Variants in PHLDB2 observed in about 807,000 individuals in gnomAD.
PHLDB2 encodes pleckstrin homology-like domain family B member 2.
Under a neutral mutation model 123.6 loss-of-function variants are expected in PHLDB2, and 71 were observed. That is an observed-to-expected ratio of 0.57 (90% CI 0.47 to 0.70). The LOEUF (loss-of-function observed/expected upper bound fraction) is 0.70. Among genes scored for constraint, PHLDB2 ranks in the 30% least tolerant of loss-of-function variants. PHLDB2 has a pLI of 0.00. For synonymous variants in PHLDB2, 547 were observed against 541.6 expected, an observed-to-expected ratio of 1.01 and a Z score of -0.14; for missense variants, 1,446 against 1,519.5, an observed-to-expected ratio of 0.95 and a Z score of 0.80.
upstream of PHLDB2, among the ~76,000 whole-genome samples, chr3:111,855,675 C>T (rs2064463164): frequency 7.2e-6 from 1 of 138,450 alleles, no homozygotes; most frequent in African/African-American, 2.7e-5. Flanking sequence ...CTCACTCTGC[C>T]ACCCAGGCTG....
chr3:111,919,573 G>A (rs1213988111), intron 4 of PHLDB2, among the ~76,000 whole-genome samples: 1 of 152,142 alleles, frequency 6.6e-6, no homozygotes, highest in Admixed American at 6.5e-5. Context: ...TTTTCTGAAC[G>A]TGCTTTACTA....
intron 1 of PHLDB2, chr3:111,732,821 T>G (rs1576472280): frequency 6.6e-6 from 5 of 758,850 alleles, no homozygotes; most frequent in Non-Finnish European, 1.1e-5. Context: ...TAGACCCGGG[T>G]GTGTGTCTGA....
intron 1 of PHLDB2, among the ~76,000 whole-genome samples, chr3:111,763,005 G>A (rs2060020024): frequency 6.6e-6 from 1 of 152,138 alleles, no homozygotes; most frequent in Admixed American, 6.5e-5. Flanking sequence ...ATAGCTCTGA[G>A]AGCCCACCCT....
intron 5 of PHLDB2, among the ~76,000 whole-genome samples, chr3:111,930,163 G>C (rs576028797): frequency 6.6e-6 from 1 of 151,454 alleles, no homozygotes; most frequent in South Asian, 2.1e-4. Context: ...CGCCTGCCTC[G>C]GCCTCCCAAA....
chr3:111,958,807 G>A (rs571220972), intron 12 of PHLDB2: 1 of 438,066 alleles, frequency 2.3e-6, no homozygotes, highest in African/African-American at 2.0e-5. Flanking sequence ...TAGTCTCAGG[G>A]GTTGGGAAAG....
chr3:111,955,235 G>T (rs867558769), intron 12 of PHLDB2, among the ~76,000 whole-genome samples: 20 of 151,156 alleles, frequency 1.3e-4, no homozygotes, highest in Middle Eastern at 3.4e-3. Flanking sequence ...TTCATAATAG[G>T]TTTATAATGT....
At chr3:111,777,567 T>C (rs1224721138) in intron 1 of PHLDB2, among the ~76,000 whole-genome samples, 3 of 152,140 alleles carry the variant, frequency 2.0e-5, no homozygotes, top group Admixed American at 6.6e-5. Flanking sequence ...AAAGGCACTT[T>C]GGTTCCACAT....
intron 1 of PHLDB2, among the ~76,000 whole-genome samples, chr3:111,835,078 A>G (rs2063338118): frequency 6.6e-6 from 1 of 152,174 alleles, no homozygotes; most frequent in Non-Finnish European, 1.5e-5. Flanking sequence ...CCCAAAATTT[A>G]AGAGAGAATG....
chr3:111,821,287 T>G (rs1027319927), intron 1 of PHLDB2, among the ~76,000 whole-genome samples: 3 of 152,208 alleles, frequency 2.0e-5, no homozygotes, highest in African/African-American at 7.2e-5. Flanking sequence ...CCTAAATCCA[T>G]GCTGTGGAGA....
chr3:111,972,507 A>T (rs1164353278), intron 16 of PHLDB2, among the ~76,000 whole-genome samples: 2 of 132,772 alleles, frequency 1.5e-5, no homozygotes, highest in African/African-American at 2.5e-5. Flanking sequence ...AAGTCTCTTT[A>T]TCATTACAAA....
At chr3:111,739,592 AC>A (rs1553721294) in intron 1 of PHLDB2, among the ~76,000 whole-genome samples, 1,990 of 82,692 alleles carry the variant, frequency 0.024, 97 homozygotes, top group African/African-American at 0.046. Context: ...AAAAAACAAA[AC>A]AAACAAAAAA....
At chr3:111,816,151 C>A (rs1296611415) in intron 1 of PHLDB2, among the ~76,000 whole-genome samples, 4 of 152,320 alleles carry the variant, frequency 2.6e-5, no homozygotes, top group South Asian at 4.2e-4. Flanking sequence ...CAGGGTGGGG[C>A]CCTCATGGAG....
intron 1 of PHLDB2, among the ~76,000 whole-genome samples, chr3:111,824,578 T>C (rs1397534797): frequency 1.3e-5 from 2 of 152,190 alleles, no homozygotes; most frequent in Non-Finnish European, 2.9e-5. Context: ...AAGTCTTTCC[T>C]ACACCAGAAG....
At position 111,921,604 on chromosome 3, in the gene PHLDB2, C is replaced by CTTTT. The variant is rs368628355; in HGVS notation, c.2001+1199_2001+1202dup. ...TATGTACGTTCATTCTGCCCCCAGACTTTTTTTTTTTTTTTTTGAAACGGA... is the reference window on the plus strand; with the variant it reads ...TATGTACGTTCATTCTGCCCCCAGACTTTTTTTTTTTTTTTTTTTTTGAAACGGA... On this transcript the variant is annotated intron_variant, in intron 5 of 17. Coordinates refer to ENST00000431670, the MANE Select transcript of PHLDB2 (RefSeq NM_001134438.2). Among the ~76,000 whole-genome samples, 330 of 132,220 alleles carry CTTTT rather than the reference C, an allele frequency of 2.5e-3. 6 individuals are homozygous for CTTTT. The highest frequency in any genetic ancestry group is 4.5e-3 in the South Asian group (19 of 4,238). 86.7% of individuals were successfully genotyped at this position (132,220 alleles called of 152,430 possible).
At chr3:111,968,110 G>C (rs574162947) in intron 15 of PHLDB2, among the ~76,000 whole-genome samples, 1 of 152,014 alleles carries the variant, frequency 6.6e-6, no homozygotes, top group East Asian at 1.9e-4. Context: ...CCCATTCCTT[G>C]GAGTACATTT....
At chr3:111,831,026 A>AAAGAAAGAAAGG (rs2062994514) in intron 1 of PHLDB2, among the ~76,000 whole-genome samples, 25 of 78,674 alleles carry the variant, frequency 3.2e-4, no homozygotes, top group African/African-American at 9.3e-4. Context: ...AGAAAGAAAG[A>AAAGAAAGAAAGG]AAGAAAGGAA....
chr3:111,930,198 A>AT (rs879273993), intron 5 of PHLDB2, among the ~76,000 whole-genome samples: 17 of 151,168 alleles, frequency 1.1e-4, no homozygotes, highest in Middle Eastern at 3.4e-3. Context: ...GGCATGAAAG[A>AT]TTTTTTTTTA....
intron 1 of PHLDB2, among the ~76,000 whole-genome samples, chr3:111,775,140 C>T (rs1357221798): frequency 6.6e-6 from 1 of 152,142 alleles, no homozygotes; most frequent in African/African-American, 2.4e-5. Context: ...CTACAGATAT[C>T]TCATGTCATC....
chr3:111,958,770 C>T (rs971644777), intron 12 of PHLDB2: 7 of 451,938 alleles, frequency 1.5e-5, no homozygotes, highest in Non-Finnish European at 3.1e-5. Flanking sequence ...GTTATTCTTG[C>T]TACATAATTA....
Sources: allele counts gnomAD v4.1 joint callset (sites outside exome capture counted in the v4.1 genomes callset), GRCh38; gene constraint gnomAD v4.1.1; transcripts MANE v1.5; gene names NCBI Gene and HGNC (gene_info 2026-07-23, HGNC 2026-07-21).